Variants in SGIP1 observed in about 807,000 individuals in gnomAD.
SGIP1 encodes SH3GL interacting endocytic adaptor 1.
In SGIP1, 38 loss-of-function variants were observed where a neutral mutation model predicts 107.5. The ratio of observed to expected loss-of-function variants is 0.35; its 90% CI spans 0.27 to 0.46. The LOEUF is 0.46. Ranked by LOEUF, SGIP1 falls within the 20% of genes least tolerant of loss-of-function variation. The pLI is 1.00. For missense variants in SGIP1, 929 were observed against 1,019.5 expected, an observed-to-expected ratio of 0.91 and a Z score of 1.21; for synonymous variants, 365 against 366.1, an observed-to-expected ratio of 1.00 and a Z score of 0.03.
At chr1:66,695,383 C>G in intron 17 of SGIP1, 51 bp from the exon 18 acceptor site, 1 of 1,613,494 alleles carries the variant, frequency 6.2e-7, no homozygotes. Context: ...GTGTCCTTCT[C>G]TCTCCCTTTC....
At chr1:66,708,109 A>G (rs2092653329) in intron 18 of SGIP1, among the ~76,000 whole-genome samples, 1 of 152,156 alleles carries the variant, frequency 6.6e-6, no homozygotes, top group Non-Finnish European at 1.5e-5. Context: ...TAAGAATACA[A>G]TGGAAGTTAG....
chr1:66,633,367 T>C (rs1448429151), intron 3 of SGIP1, among the ~76,000 whole-genome samples: 1 of 152,184 alleles, frequency 6.6e-6, no homozygotes, highest in African/African-American at 2.4e-5. Flanking sequence ...ACGCAGGGGC[T>C]GCTCCCATCA....
At chr1:66,701,436 C>T (rs12035592) in intron 18 of SGIP1, among the ~76,000 whole-genome samples, 19,310 of 152,190 alleles carry the variant, frequency 0.13, 1,914 homozygotes, top group East Asian at 0.51. Flanking sequence ...TTTTACAAGA[C>T]TGTCTTCATT....
At chr1:66,671,108 T>C in intron 10 of SGIP1, 89 bp downstream of exon 10, 2 of 597,512 alleles carry the variant, frequency 3.3e-6, no homozygotes, top group Non-Finnish European at 5.5e-6. Context: ...ATATGAATTA[T>C]ACATTCCTGG....
intron 11 of SGIP1, 114 bp from the exon 12 acceptor site, chr1:66,673,167 T>C: frequency 3.0e-6 from 3 of 1,015,320 alleles, no homozygotes; most frequent in East Asian, 2.4e-5. Flanking sequence ...ATGCATGCAC[T>C]GGTGCACACA....
intron 1 of SGIP1, among the ~76,000 whole-genome samples, chr1:66,554,344 C>A (rs1238921427): frequency 1.3e-5 from 2 of 152,150 alleles, no homozygotes; most frequent in Non-Finnish European, 2.9e-5. Flanking sequence ...CTCCAAGGTT[C>A]AGACAGAATA....
At chr1:66,615,482 A>G (rs1297798370) in intron 1 of SGIP1, among the ~76,000 whole-genome samples, 1 of 152,212 alleles carries the variant, frequency 6.6e-6, no homozygotes, top group Non-Finnish European at 1.5e-5. Context: ...TTGAACGATT[A>G]AATGATACAT....
At position 66,749,413 on chromosome 1, in the gene SGIP1, C is replaced by T. The variant is rs1193181541; in HGVS notation, c.*6318C>T. Among the ~76,000 whole-genome samples the T allele has an allele frequency of 6.6e-5, 10 of 150,524 alleles. No individual in the cohort carries two copies. Among genetic ancestry groups the T allele is most frequent in the Non-Finnish European group, 1.2e-4 (8 of 67,580 alleles). On this transcript the variant is annotated 3_prime_UTR_variant, in exon 25 of 25. Transcript: ENST00000371037. ...TGTTTAGCACAGATTTTGTGAGATT[C>T]TATACTCTTTTAATGAGCATTTCAT...
At chr1:66,661,948 T>C (rs2081578599) in intron 8 of SGIP1, among the ~76,000 whole-genome samples, 1 of 152,202 alleles carries the variant, frequency 6.6e-6, no homozygotes, top group Non-Finnish European at 1.5e-5. Context: ...GATACCTTGG[T>C]TACTAGCAGG....
At chr1:66,553,499 A>T (rs535599866) in intron 1 of SGIP1, among the ~76,000 whole-genome samples, 1 of 152,140 alleles carries the variant, frequency 6.6e-6, no homozygotes, top group Non-Finnish European at 1.5e-5. Context: ...AACGTGGTGA[A>T]ACCTCACTTC....
intron 19 of SGIP1, among the ~76,000 whole-genome samples, 194 bp from the exon 20 acceptor site, chr1:66,729,070 A>G (rs758586846): frequency 1.3e-5 from 2 of 152,200 alleles, no homozygotes; most frequent in Non-Finnish European, 2.9e-5. Flanking sequence ...ATGTTTACCT[A>G]TATAACAAAC....
chr1:66,610,140 A>G (rs955924973), intron 1 of SGIP1, among the ~76,000 whole-genome samples: 1 of 152,210 alleles, frequency 6.6e-6, no homozygotes, highest in African/African-American at 2.4e-5. Flanking sequence ...ACACTGTTCT[A>G]GACATTTAGA....
intron 1 of SGIP1, among the ~76,000 whole-genome samples, chr1:66,539,772 T>C (rs975408613): frequency 6.6e-6 from 1 of 152,178 alleles, no homozygotes; most frequent in Non-Finnish European, 1.5e-5. Context: ...AGCAAAACTG[T>C]CACCTCCTCA....
chr1:66,570,173 T>C (rs1425120193), intron 1 of SGIP1, among the ~76,000 whole-genome samples: 5 of 151,856 alleles, frequency 3.3e-5, no homozygotes, highest in African/African-American at 4.8e-5. Context: ...ATAAAACATT[T>C]TTTGGTTTTG....
At chr1:66,707,649 G>T (rs1479486970) in intron 18 of SGIP1, among the ~76,000 whole-genome samples, 1 of 152,122 alleles carries the variant, frequency 6.6e-6, no homozygotes, top group Non-Finnish European at 1.5e-5. Context: ...CTGTATCTTA[G>T]ATTCCAAAGA....
At chr1:66,571,520 G>C (rs994649130) in intron 1 of SGIP1, among the ~76,000 whole-genome samples, 5 of 152,018 alleles carry the variant, frequency 3.3e-5, no homozygotes, top group Non-Finnish European at 4.4e-5. Flanking sequence ...CGTGAGGTGA[G>C]AGATTTGCTT....
chr1:66,744,694 T>G lies in SGIP1; in HGVS notation c.*1599T>G, dbSNP rs541103178. The stretch of plus-strand genomic sequence containing the variant: ...GATTGTGACTGGCAATTGTTTATAG[T>G]GAAACTTTTTAAATTAATCTTTGTA... On this transcript the variant is annotated 3_prime_UTR_variant, in exon 25 of 25. Transcript: ENST00000371037. 235 of 152,346 alleles carry G rather than the reference T, an allele frequency of 1.5e-3. No homozygotes were observed. The highest frequency in any genetic ancestry group is 5.5e-3 in the African/African-American group (230 of 41,570). 9.4% of individuals were successfully genotyped at this position (152,346 alleles called of 1,614,324 possible).
At chr1:66,563,901 TA>T (rs2059300013) in intron 1 of SGIP1, among the ~76,000 whole-genome samples, 1 of 151,982 alleles carries the variant, frequency 6.6e-6, no homozygotes, top group Non-Finnish European at 1.5e-5. Context: ...CCCTTACTGT[TA>T]GGGGCAAATT....
chr1:66,693,218 G>A (rs2090238645), intron 17 of SGIP1, among the ~76,000 whole-genome samples: 1 of 149,774 alleles, frequency 6.7e-6, no homozygotes, highest in Non-Finnish European at 1.5e-5. Context: ...GGACAAGCCT[G>A]GGCAACATAG....
Sources: gnomAD v4.1 joint callset for allele counts (sites outside exome capture counted in the v4.1 genomes callset) on GRCh38, gnomAD v4.1.1 for gene constraint, MANE v1.5 for transcripts, NCBI Gene and HGNC (gene_info 2026-07-23, HGNC 2026-07-21) for gene names.